The following OTOF variants were observed in gnomAD, a reference collection of about 807,000 sequenced individuals.
OTOF encodes the protein fer-1-like family member 2.
In OTOF, 218 loss-of-function variants were observed where a neutral mutation model predicts 236.8. The observed-to-expected ratio is 0.92, with a 90% confidence interval of 0.82 to 1.03. The LOEUF (loss-of-function observed/expected upper bound fraction) is 1.03. Ranked by LOEUF, OTOF falls within the 50% of genes least tolerant of loss-of-function variation. The pLI is 0.00. For missense variants in OTOF, 2,590 were observed against 2,694.4 expected (o/e 0.96, Z 0.86); for synonymous variants, 1,041 against 1,072.5 (o/e 0.97, Z 0.57).
chr2:26,474,484 GCCTCAGCC>G (rs1359649255), intron 26 of OTOF, 21 bp downstream of exon 26: 1 of 1,548,616 alleles, frequency 6.5e-7, no homozygotes, highest in Non-Finnish European at 8.7e-7. Flanking sequence ...CAGTCCCCAG[GCCTCAGCC>G]CCTCTTCCCT....
chr2:26,491,990 CA>C (rs950519012), intron 9 of OTOF, among the ~76,000 whole-genome samples: 23 of 152,282 alleles, frequency 1.5e-4, no homozygotes, highest in African/African-American at 5.5e-4. Context: ...TTAATGGAGC[CA>C]AAGGAAGGTT....
rs746740181 is a variant in OTOF at position 26,461,784 on chromosome 2, G to A, written c.5445C>T (p.Phe1815=). 1 of 1,614,182 alleles carries A rather than the reference G, an allele frequency of 6.2e-7. No homozygotes were observed. Among genetic ancestry groups the A allele is most frequent in the Non-Finnish European group, 8.5e-7 (1 of 1,180,018 alleles). The part of the protein sequence containing the change: ...KIVISKKESM[F]SWDETEYKIP... ...TCTTGTACTCGGTCTCGTCCCAGGA[G>A]AACATGGACTCCTTCTTGGAGATGA... Residue 1815 remains phenylalanine (F), a synonymous_variant, in exon 43 of 47, where the codon TTC becomes TTT. Coordinates refer to ENST00000272371, the MANE Select transcript of OTOF (RefSeq NM_194248.3). The surrounding 1 kb of genome is among the most constrained non-coding windows in gnomAD (Gnocchi z 6.2).
rs557985169 is a variant in OTOF, at chr2:26,512,524, T to C, written c.509+3894A>G. ...GCAAGGGTCTGGAACACTGATTTTG[T>C]GCTGCTGAGAGTGGAGCGCCCATGA... On this transcript the variant is annotated intron_variant, in intron 5 of 46. Transcript: ENST00000272371. Among the ~76,000 whole-genome samples the C allele has an allele frequency of 2.6e-5, 4 of 152,350 alleles. No individual in the cohort carries two copies. In the South Asian group the frequency reaches 8.3e-4, roughly 32 times the overall value.
chr2:26,509,554 C>T (rs1666332862), intron 5 of OTOF, among the ~76,000 whole-genome samples: 1 of 152,178 alleles, frequency 6.6e-6, no homozygotes, highest in Non-Finnish European at 1.5e-5. Context: ...GTGAGTTCCC[C>T]AGGATCTTAA....
intron 46 of OTOF, among the ~76,000 whole-genome samples, chr2:26,459,395 A>G (rs559447844): frequency 6.6e-6 from 1 of 152,184 alleles, no homozygotes. Flanking sequence ...TACTAAAAAT[A>G]CAAAAAATTA....
intron 15 of OTOF, 82 bp from the exon 16 acceptor site, chr2:26,480,393 C>G: frequency 2.3e-6 from 2 of 877,426 alleles, no homozygotes; most frequent in Non-Finnish European, 3.8e-6. Context: ...GTCTCACAGA[C>G]AGGCCGTGGG....
At position 26,460,341 on chromosome 2, in the gene OTOF, C is replaced by T; in HGVS notation, c.5814-136G>A. 1 of 754,072 alleles carries T rather than the reference C, an allele frequency of 1.3e-6. No individual in the cohort carries two copies. Among genetic ancestry groups the T allele is most frequent in the Non-Finnish European group, 2.2e-6 (1 of 445,268 alleles). 46.7% of individuals were successfully genotyped at this position (754,072 alleles called of 1,614,324 possible). A position where few individuals can be genotyped will look rare whatever the true frequency, so the allele number is the denominator to read the frequency against. On this transcript the variant is annotated intron_variant, in intron 45 of 46. Transcript: ENST00000272371. This position sits in a 1 kb window ranked among gnomAD's most constrained non-coding sequence, Gnocchi z 5.3. ...CTAGGCACCCCTCTGGCCATCAAGG[C>T]TGGCCATGGCCCCAGAGGCCACCAC...
chr2:26,523,666 C>A (rs1478829369), intron 3 of OTOF, among the ~76,000 whole-genome samples: 1 of 152,230 alleles, frequency 6.6e-6, no homozygotes, highest in Non-Finnish European at 1.5e-5. Context: ...CCTCCTAACA[C>A]CACAGGGGCA....
intron 46 of OTOF, 72 bp from the exon 47 acceptor site, chr2:26,458,292 CCTT>C: frequency 6.8e-7 from 1 of 1,462,790 alleles, no homozygotes; most frequent in Non-Finnish European, 9.4e-7. Flanking sequence ...CATCCTCTGT[CCTT>C]CTGGACCCCC....
chr2:26,507,285 A>G (rs1212155368), intron 5 of OTOF, among the ~76,000 whole-genome samples: 3 of 152,246 alleles, frequency 2.0e-5, no homozygotes, highest in African/African-American at 7.2e-5. Context: ...TGATCAGTAC[A>G]GCATGATGTC....
At position 26,475,977 on chromosome 2, in the gene OTOF, G is replaced by A. The variant is rs534758736; in HGVS notation, c.2928C>T (p.Asp976=). 3.3e-5 allele frequency: 54 copies of A among 1,612,640 alleles called. No homozygotes were observed. The South Asian group carries it at 5.5e-4, about 16-fold the overall frequency. ...MYQARSLFAA[D]SSGLSDPFAR... ...CAAAGGGGTCTGAGAGTCCGCTGCT[G>A]TCGGCGGCAAAGAGGCTGCGGGCCT... is the stretch of plus-strand genomic sequence containing the variant. The change falls in exon 24 of 47, where the codon GAC becomes GAT. Residue 976 remains aspartate (D), a synonymous_variant. Transcript: ENST00000272371.
chr2:26,541,843 G>T (rs1199108338), intron 1 of OTOF, among the ~76,000 whole-genome samples: 2 of 152,206 alleles, frequency 1.3e-5, no homozygotes, highest in African/African-American at 2.4e-5. Flanking sequence ...GCATGGAAAG[G>T]CTGTTGTGGA....
intron 29 of OTOF, 138 bp from the exon 30 acceptor site, chr2:26,472,787 G>C (rs1045026846): frequency 1.1e-6 from 1 of 878,518 alleles, no homozygotes; most frequent in African/African-American, 1.7e-5. Flanking sequence ...AGTCAAGGGA[G>C]AAAATATGGG....
At chr2:26,542,776 T>A (rs1667238262) in intron 1 of OTOF, among the ~76,000 whole-genome samples, 1 of 152,138 alleles carries the variant, frequency 6.6e-6, no homozygotes, top group Non-Finnish European at 1.5e-5. Context: ...GAAGCAAGAC[T>A]GGAGAGGGGC....
intron 11 of OTOF, among the ~76,000 whole-genome samples, chr2:26,485,412 C>G (rs1227274895): frequency 1.3e-5 from 2 of 152,196 alleles, no homozygotes; most frequent in Non-Finnish European, 2.9e-5. Context: ...CTGTGCTGAT[C>G]TGGGTATTGT....
At chr2:26,504,371 G>A (rs1222047844) in intron 5 of OTOF, among the ~76,000 whole-genome samples, 1 of 152,176 alleles carries the variant, frequency 6.6e-6, no homozygotes, top group Non-Finnish European at 1.5e-5. Context: ...GTTGAAACGA[G>A]CTGTTCAGTT....
At chr2:26,532,278 T>C (rs112104592) in intron 2 of OTOF, among the ~76,000 whole-genome samples, 2,820 of 152,004 alleles carry the variant, frequency 0.019, 76 homozygotes, top group African/African-American at 0.058. Flanking sequence ...GGCACAAGGC[T>C]GGTTGGTGGC....
At chr2:26,551,672 C>T (rs1046504319) in intron 1 of OTOF, among the ~76,000 whole-genome samples, 1 of 152,216 alleles carries the variant, frequency 6.6e-6, no homozygotes, top group Non-Finnish European at 1.5e-5. Context: ...CATGGCTGCC[C>T]TTCAACAGAA....
rs1666180207 is a variant in OTOF at position 26,503,794 on chromosome 2, G to A, written c.561C>T (p.His187=). ...TACCTGGTCTTTGGGGCTCCTCCTT[G>A]TGAGACCGGTTTTTGCCGAGCTTCA... ...SAMKLGKNRS[H]KEEPQRPDEP... Residue 187 remains histidine, a synonymous_variant, in exon 6 of 47, where the codon CAC becomes CAT. Coordinates refer to ENST00000272371, the MANE Select transcript of OTOF (RefSeq NM_194248.3). 1 of 1,613,978 alleles carries A rather than the reference G, an allele frequency of 6.2e-7. No homozygotes were observed. The highest frequency in any genetic ancestry group is 1.3e-5 in the African/African-American group (1 of 74,944).
Sources: gnomAD v4.1 joint callset for allele counts (sites outside exome capture counted in the v4.1 genomes callset) on GRCh38, gnomAD v4.1.1 for gene constraint, Gnocchi (gnomAD v3.1) non-coding constraint, MANE v1.5 for transcripts, NCBI Gene and HGNC (gene_info 2026-07-23, HGNC 2026-07-21) for gene names.